Variants in CDK19 observed in about 807,000 individuals in gnomAD.
CDK19 encodes cyclin dependent kinase 19, also known as cyclin-dependent kinase 19.
CDK19 carries 20 observed loss-of-function variants against 68.3 expected under a neutral mutation model. The ratio of observed to expected loss-of-function variants is 0.29; its 90% CI spans 0.21 to 0.43. The LOEUF (loss-of-function observed/expected upper bound fraction) is 0.43, where lower values mean the gene tolerates loss of function less well. Ranked by LOEUF, CDK19 falls within the 20% of genes least tolerant of loss-of-function variation. The pLI, the probability that CDK19 is intolerant of heterozygous loss-of-function variation, is 1.00. For synonymous variants in CDK19, 221 were observed against 222.8 expected (o/e 0.99, Z 0.07); for missense variants, 339 against 623.5 (o/e 0.54, Z 4.86).
intron 2 of CDK19, among the ~76,000 whole-genome samples, chr6:110,673,967 G>A: frequency 6.6e-6 from 1 of 152,104 alleles, no homozygotes; most frequent in Non-Finnish European, 1.5e-5. Flanking sequence ...TTCCCAAGTA[G>A]AAGGTTTGTG....
At chr6:110,679,759 A>T (rs1031683557) in intron 2 of CDK19, among the ~76,000 whole-genome samples, 3 of 152,230 alleles carry the variant, frequency 2.0e-5, no homozygotes, top group Non-Finnish European at 2.9e-5. Context: ...ACTTAAACTG[A>T]CAAGAAGCTG....
intron 2 of CDK19, among the ~76,000 whole-genome samples, chr6:110,673,369 T>C (rs80235776): frequency 0.046 from 7,072 of 152,262 alleles, 213 homozygotes; most frequent in South Asian, 0.082. Context: ...TTTAGGGTGT[T>C]CTACCTTTTG....
chr6:110,735,126 T>C (rs1375859806), intron 2 of CDK19, among the ~76,000 whole-genome samples: 1 of 152,052 alleles, frequency 6.6e-6, no homozygotes, highest in Admixed American at 6.5e-5. Flanking sequence ...TTTTTTTTAT[T>C]TAATGAGACT....
At chr6:110,800,721 A>G (rs1332438155) in intron 1 of CDK19, among the ~76,000 whole-genome samples, 1 of 152,218 alleles carries the variant, frequency 6.6e-6, no homozygotes, top group African/African-American at 2.4e-5. Context: ...CTCAATTGGC[A>G]CAGAAAAAGC....
rs981267073 is a variant in CDK19 at position 110,612,546 on chromosome 6, A to C, written c.*1989T>G. 3 of 152,344 alleles carry C rather than the reference A, an allele frequency of 2.0e-5. No homozygotes were observed. The highest frequency in any genetic ancestry group is 2.9e-5 in the Non-Finnish European group (2 of 68,054). 9.4% of individuals were successfully genotyped at this position (152,344 alleles called of 1,614,324 possible). ...GATCACAAGCTCCTTAAGGACAAGA[A>C]GTATGCCCTGTCCTCTGTGTTCTCT... On this transcript the variant is annotated 3_prime_UTR_variant, in exon 13 of 13. Transcript: ENST00000368911.
intron 1 of CDK19, chr6:110,814,508 G>C (rs1783412573): frequency 4.6e-6 from 2 of 437,482 alleles, no homozygotes; most frequent in Admixed American, 2.4e-5. Flanking sequence ...GGTCAGAGCC[G>C]TGGGGCTGGC....
At chr6:110,638,530 T>C in intron 5 of CDK19, 119 bp downstream of exon 5, 1 of 654,792 alleles carries the variant, frequency 1.5e-6, no homozygotes. Context: ...ATATCTTTTC[T>C]AAAAATAATG....
At chr6:110,624,149 G>A (rs1463203286) in intron 8 of CDK19, among the ~76,000 whole-genome samples, 2 of 151,718 alleles carry the variant, frequency 1.3e-5, no homozygotes, top group Non-Finnish European at 2.9e-5. Flanking sequence ...ACTTTTAGAG[G>A]TACATAAACA....
In CDK19 at chr6:110,613,585, C is replaced by T. The variant is rs1011395965; in HGVS notation, c.*950G>A. On this transcript the variant is annotated 3_prime_UTR_variant, in exon 13 of 13. Transcript: ENST00000368911. ...GAAACCAATGGTTCTTTAGAGAAGC[C>T]GACTTTATGTACAATACACACTAAA... 6.6e-5 allele frequency: 10 copies of T among 152,550 alleles called. No homozygotes were observed. The highest frequency in any genetic ancestry group is 1.9e-4 in the East Asian group (1 of 5,184). 9.4% of individuals were successfully genotyped at this position (152,550 alleles called of 1,614,324 possible).
intron 1 of CDK19, among the ~76,000 whole-genome samples, chr6:110,810,735 T>C (rs1327538027): frequency 6.6e-6 from 1 of 150,750 alleles, no homozygotes; most frequent in African/African-American, 2.4e-5. Flanking sequence ...GATCGCACAA[T>C]TGCACTCCAG....
intron 2 of CDK19, among the ~76,000 whole-genome samples, chr6:110,703,825 G>A (rs1302083157): frequency 6.6e-6 from 1 of 152,084 alleles, no homozygotes; most frequent in Non-Finnish European, 1.5e-5. Context: ...CATTGACAGA[G>A]CAAGACCCTG....
chr6:110,646,223 G>A (rs1780563695), intron 4 of CDK19: 9 of 1,456,042 alleles, frequency 6.2e-6, no homozygotes, highest in Non-Finnish European at 8.2e-6. Context: ...GGTCCGACGC[G>A]CAGGAGCTGC....
At chr6:110,811,376 A>AC in intron 1 of CDK19, among the ~76,000 whole-genome samples, 1 of 152,022 alleles carries the variant, frequency 6.6e-6, no homozygotes, top group South Asian at 2.1e-4. Context: ...GACAAAACAA[A>AC]CTCTGTAAGC....
rs924613329 is a variant in CDK19, at chr6:110,802,408, A to C, written c.128+12601T>G. Reference sequence around the variant, plus strand: ...GGTTGGGCTGGAGGCCATTATCCTAAGTGAAATAAGTAAGAAAACAGAAAA... The same window carrying C: ...GGTTGGGCTGGAGGCCATTATCCTACGTGAAATAAGTAAGAAAACAGAAAA... On this transcript the variant is annotated intron_variant, in intron 1 of 12. Transcript: ENST00000368911. 1.4e-4 allele frequency among the ~76,000 whole-genome samples: 21 copies of C among 147,530 alleles called. No homozygotes were observed. The East Asian group carries it at 4.3e-3, about 30-fold the overall frequency.
intron 2 of CDK19, among the ~76,000 whole-genome samples, chr6:110,671,898 C>T (rs538666795): frequency 6.6e-6 from 1 of 152,166 alleles, no homozygotes; most frequent in Non-Finnish European, 1.5e-5. Context: ...CTGCCTCAAC[C>T]TCCTGAGTAG....
intron 2 of CDK19, among the ~76,000 whole-genome samples, chr6:110,679,424 C>G (rs886847549): frequency 5.9e-5 from 9 of 152,034 alleles, no homozygotes; most frequent in Admixed American, 2.0e-4. Flanking sequence ...ACCAGACTGG[C>G]CAACATGGTG....
intron 4 of CDK19, chr6:110,646,370 C>T: frequency 6.8e-7 from 1 of 1,466,982 alleles, no homozygotes; most frequent in Non-Finnish European, 9.0e-7. Flanking sequence ...ATGTGGGCGA[C>T]AGCGCCAACG....
In CDK19 at chr6:110,613,556, T is replaced by C. The variant is rs1778134539; in HGVS notation, c.*979A>G. 2 of 152,630 alleles carry C rather than the reference T, an allele frequency of 1.3e-5. No individual in the cohort carries two copies. The highest frequency in any genetic ancestry group is 4.8e-5 in the African/African-American group (2 of 41,456). 9.5% of individuals were successfully genotyped at this position (152,630 alleles called of 1,614,324 possible). ...AAAGTTACTCACGCAGACCCAGATG[T>C]GAAGAAACCAATGGTTCTTTAGAGA... is the stretch of plus-strand genomic sequence containing the variant. On this transcript the variant is annotated 3_prime_UTR_variant, in exon 13 of 13. Coordinates refer to ENST00000368911, the MANE Select transcript of CDK19 (RefSeq NM_015076.5).
intron 1 of CDK19, among the ~76,000 whole-genome samples, chr6:110,788,847 T>A (rs755780755): frequency 1.3e-5 from 2 of 151,114 alleles, no homozygotes; most frequent in Non-Finnish European, 3.0e-5. Context: ...GGAACTGAAC[T>A]TTTTTTTTCT....
Sources: allele counts gnomAD v4.1 joint callset (sites outside exome capture counted in the v4.1 genomes callset), GRCh38; gene constraint gnomAD v4.1.1; transcripts MANE v1.5; gene names NCBI Gene and HGNC (gene_info 2026-07-23, HGNC 2026-07-21).